The following ZNF804A variants were observed in gnomAD, a reference collection of about 807,000 sequenced individuals.
ZNF804A encodes the protein zinc finger protein 804A.
A neutral mutation model predicts 16.5 loss-of-function variants in ZNF804A; 2 were observed. That is an observed-to-expected ratio of 0.12 (90% CI 0.05 to 0.38). ZNF804A has a LOEUF of 0.38. Among genes scored for constraint, ZNF804A ranks in the 10% least tolerant of loss-of-function variants. ZNF804A has a pLI of 0.99. For missense variants in ZNF804A, 1,473 were observed against 1,390.7 expected, an observed-to-expected ratio of 1.06 and a Z score of -0.94; for synonymous variants, 534 against 489.6, an observed-to-expected ratio of 1.09 and a Z score of -1.20.
intron 2 of ZNF804A, among the ~76,000 whole-genome samples, chr2:184,892,483 C>CTT (rs869292193): frequency 0.033 from 3,454 of 105,584 alleles, 252 homozygotes; most frequent in African/African-American, 0.075. Flanking sequence ...TTGTTGTGTT[C>CTT]TTTTTTTTTT....
At chr2:184,927,882 T>TC (rs1428161447) in intron 2 of ZNF804A, among the ~76,000 whole-genome samples, 1 of 152,030 alleles carries the variant, frequency 6.6e-6, no homozygotes, top group Non-Finnish European at 1.5e-5. Flanking sequence ...GGCAGTGGGC[T>TC]CCCCTCTGGC....
intron 1 of ZNF804A, among the ~76,000 whole-genome samples, chr2:184,828,942 A>G (rs774408679): frequency 3.1e-4 from 47 of 152,004 alleles, no homozygotes; most frequent in Non-Finnish European, 5.6e-4. Context: ...TCAATTGTAT[A>G]CATCCTAATA....
At chr2:184,931,197 T>C (rs182018569) in intron 2 of ZNF804A, among the ~76,000 whole-genome samples, 1 of 152,324 alleles carries the variant, frequency 6.6e-6, no homozygotes, top group East Asian at 1.9e-4. Context: ...GGATCTACCA[T>C]TCTGCTGTCT....
intron 1 of ZNF804A, among the ~76,000 whole-genome samples, chr2:184,777,881 T>C (rs917112174): frequency 1.8e-4 from 27 of 151,688 alleles, no homozygotes; most frequent in Admixed American, 1.5e-3. Context: ...AGGAGTGATT[T>C]TGTTGAGTTG....
intron 1 of ZNF804A, among the ~76,000 whole-genome samples, chr2:184,819,535 C>G (rs1412787495): frequency 6.6e-6 from 1 of 151,674 alleles, no homozygotes; most frequent in Non-Finnish European, 1.5e-5. Context: ...AAAACAAACC[C>G]AAAATCTAGC....
intron 2 of ZNF804A, among the ~76,000 whole-genome samples, chr2:184,919,180 G>C (rs1431710108): frequency 6.6e-6 from 1 of 152,202 alleles, no homozygotes; most frequent in Non-Finnish European, 1.5e-5. Context: ...TGAGTGCAGG[G>C]AGGGCAAATC....
chr2:184,743,051 G>T (rs559980029), intron 1 of ZNF804A, among the ~76,000 whole-genome samples: 1 of 151,828 alleles, frequency 6.6e-6, no homozygotes, highest in Non-Finnish European at 1.5e-5. Flanking sequence ...ATGTTGTTTG[G>T]AATTATAATC....
At chr2:184,913,932 T>C (rs955258824) in intron 2 of ZNF804A, among the ~76,000 whole-genome samples, 2 of 152,198 alleles carry the variant, frequency 1.3e-5, no homozygotes, top group Non-Finnish European at 2.9e-5. Context: ...TTATGGATTG[T>C]TTCCGTTCAG....
In ZNF804A at chr2:184,598,959, C is replaced by A; in HGVS notation, c.-1C>A. On this transcript the variant is annotated 5_prime_UTR_variant, in exon 1 of 4. Coordinates refer to ENST00000302277, the MANE Select transcript of ZNF804A (RefSeq NM_194250.2). Reference sequence around the variant, plus strand: ...GCGGCGGAGGAGGCGGCGGCTGCCCCATGGAGTGTTACTACATTGTCATCA... The same window carrying A: ...GCGGCGGAGGAGGCGGCGGCTGCCCAATGGAGTGTTACTACATTGTCATCA... The A allele has an allele frequency of 6.3e-7, 1 of 1,595,038 alleles. No homozygotes were observed. Among genetic ancestry groups the A allele is most frequent in the Non-Finnish European group, 8.6e-7 (1 of 1,166,318 alleles).
chr2:184,607,936 CTT>C (rs34262998), intron 1 of ZNF804A, among the ~76,000 whole-genome samples: 8 of 65,652 alleles, frequency 1.2e-4, no homozygotes, highest in African/African-American at 3.9e-4. Context: ...TGATGCATCT[CTT>C]TTTTTTTTTT....
chr2:184,776,009 A>G (rs1694280340), intron 1 of ZNF804A, among the ~76,000 whole-genome samples: 1 of 151,628 alleles, frequency 6.6e-6, no homozygotes, highest in Admixed American at 6.6e-5. Flanking sequence ...ATAGAGCTAG[A>G]AACATTTATC....
At chr2:184,707,676 A>G (rs1293951213) in intron 1 of ZNF804A, among the ~76,000 whole-genome samples, 2 of 152,118 alleles carry the variant, frequency 1.3e-5, no homozygotes, top group African/African-American at 4.8e-5. Flanking sequence ...TATATTCTTT[A>G]TCCAATCCTC....
chr2:184,765,521 T>C (rs546383402), intron 1 of ZNF804A, among the ~76,000 whole-genome samples: 2 of 152,066 alleles, frequency 1.3e-5, no homozygotes, highest in Non-Finnish European at 2.9e-5. Flanking sequence ...TCCTGTTTTG[T>C]TCTGATCTAA....
At chr2:184,756,623 C>T (rs1693962586) in intron 1 of ZNF804A, among the ~76,000 whole-genome samples, 1 of 151,856 alleles carries the variant, frequency 6.6e-6, no homozygotes, top group Non-Finnish European at 1.5e-5. Flanking sequence ...TACAGCAAGA[C>T]TAGTATGTGC....
chr2:184,935,531 T>C (rs1053249364), intron 3 of ZNF804A, among the ~76,000 whole-genome samples: 4 of 152,258 alleles, frequency 2.6e-5, no homozygotes, highest in East Asian at 1.9e-4. Flanking sequence ...TAAGAGCATA[T>C]CCTCAACATT....
At chr2:184,729,272 ATGT>A (rs1257290520) in intron 1 of ZNF804A, among the ~76,000 whole-genome samples, 4 of 151,920 alleles carry the variant, frequency 2.6e-5, no homozygotes, top group Non-Finnish European at 5.9e-5. Context: ...ATTAAAAATC[ATGT>A]TGTATGCCAT....
chr2:184,791,761 C>A (rs1470759080), intron 1 of ZNF804A, among the ~76,000 whole-genome samples: 1 of 152,014 alleles, frequency 6.6e-6, no homozygotes, highest in Non-Finnish European at 1.5e-5. Context: ...TGAGTTTTGA[C>A]AAATATATTA....
chr2:184,610,700 A>C (rs955508976), intron 1 of ZNF804A, among the ~76,000 whole-genome samples: 1 of 152,154 alleles, frequency 6.6e-6, no homozygotes, highest in Admixed American at 6.5e-5. Context: ...CCTGGTGAAG[A>C]CAGTCAATGT....
chr2:184,829,110 T>C (rs1193742520), intron 1 of ZNF804A, among the ~76,000 whole-genome samples: 1 of 151,720 alleles, frequency 6.6e-6, no homozygotes, highest in East Asian at 1.9e-4. Flanking sequence ...GTAAATGCAC[T>C]TTATCACATG....
Sources: gnomAD v4.1 joint callset for allele counts (sites outside exome capture counted in the v4.1 genomes callset) on GRCh38, gnomAD v4.1.1 for gene constraint, MANE v1.5 for transcripts, NCBI Gene and HGNC (gene_info 2026-07-23, HGNC 2026-07-21) for gene names.